CRADD: variants seen among roughly 807,000 people sequenced by gnomAD.
CRADD encodes death domain-containing protein CRADD.
In CRADD, 9 loss-of-function variants were observed where a neutral mutation model predicts 15.5. The ratio of observed to expected loss-of-function variants is 0.58; its 90% CI spans 0.35 to 1.01. The LOEUF (loss-of-function observed/expected upper bound fraction) is 1.01. CRADD is among the 50% of genes least tolerant of loss of function. The pLI is 0.02. For missense variants in CRADD, 227 were observed against 250.3 expected, an observed-to-expected ratio of 0.91 and a Z score of 0.63; for synonymous variants, 118 against 107.6, an observed-to-expected ratio of 1.10 and a Z score of -0.60.
intron 2 of CRADD, among the ~76,000 whole-genome samples, chr12:93,746,944 G>C (rs1363380235): frequency 6.6e-6 from 1 of 151,986 alleles, no homozygotes; most frequent in African/African-American, 2.4e-5. Context: ...ACTATAAATA[G>C]CCTCATGTCA....
chr12:93,680,977 C>T (rs113829267), intron 2 of CRADD, among the ~76,000 whole-genome samples: 4 of 152,030 alleles, frequency 2.6e-5, no homozygotes, highest in African/African-American at 9.7e-5. Context: ...CTCTGCCTCC[C>T]GGGTTTAAGC....
chr12:93,685,773 C>T (rs1426900724), intron 2 of CRADD, among the ~76,000 whole-genome samples: 2 of 152,160 alleles, frequency 1.3e-5, no homozygotes, highest in East Asian at 1.9e-4. Flanking sequence ...GGGCAGATCA[C>T]CTGAGGTCAG....
At chr12:93,698,112 G>A (rs1003507118) in intron 2 of CRADD, among the ~76,000 whole-genome samples, 1 of 152,106 alleles carries the variant, frequency 6.6e-6, no homozygotes, top group Non-Finnish European at 1.5e-5. Context: ...AGGGAGAATC[G>A]GGAGAATTGT....
rs140370102 is a variant in CRADD at position 93,894,013 on chromosome 12, C to T, written c.299-37C>T. On this transcript the variant is annotated intron_variant, in intron 2 of 2. Transcript: ENST00000548483. The stretch of plus-strand genomic sequence containing the variant: ...CACATTAGCTCAGCTGATCGCCATA[C>T]TCCCTTGATTTGACCTTCTCTTTCT... 1,345 of 702,344 alleles carry T rather than the reference C, an allele frequency of 1.9e-3. 7 individuals carry two copies. Among genetic ancestry groups the T allele is most frequent in the Admixed American group, 3.0e-3 (148 of 50,000 alleles). The allele number at this position is 702,344 out of a possible 1,614,324, so 43.5% of individuals were successfully genotyped here. A position where few individuals can be genotyped will look rare whatever the true frequency, so the allele number is the denominator to read the frequency against.
intron 2 of CRADD, chr12:93,846,384 T>C (rs10859600): frequency 0.29 from 44,622 of 151,954 alleles, 6,949 homozygotes; most frequent in Middle Eastern, 0.41. Context: ...TGCACCATTT[T>C]CCATTCCCAC....
chr12:93,718,766 T>C (rs576543422), intron 2 of CRADD, among the ~76,000 whole-genome samples: 10 of 147,460 alleles, frequency 6.8e-5, no homozygotes, highest in Non-Finnish European at 7.5e-5. Flanking sequence ...TTTTCTCTCT[T>C]TTTTTTTTTT....
rs73361509 is a variant in CRADD at position 93,714,474 on chromosome 12, G to A, written c.298+35402G>A. On this transcript the variant is annotated intron_variant, in intron 2 of 2. Coordinates refer to ENST00000332896, the MANE Select transcript of CRADD (RefSeq NM_003805.5). ...TGATTGTCTAATCCCAGGGAATCTG[G>A]TGAACAGTGTATCAGTTAGGAATGT... 583 of 152,322 alleles carry A rather than the reference G, an allele frequency of 3.8e-3. 2 individuals carry two copies. The highest frequency in any genetic ancestry group is 0.013 in the African/African-American group (561 of 41,562). The allele number at this position is 152,322 out of a possible 1,614,324, so 9.4% of individuals were successfully genotyped here.
intron 2 of CRADD, among the ~76,000 whole-genome samples, chr12:93,687,247 T>A (rs1256469438): frequency 6.6e-6 from 1 of 152,166 alleles, no homozygotes; most frequent in Non-Finnish European, 1.5e-5. Context: ...CTTTAAAACA[T>A]GGATTTGGTA....
At chr12:93,730,205 T>C (rs75101749) in intron 2 of CRADD, among the ~76,000 whole-genome samples, 1,945 of 152,346 alleles carry the variant, frequency 0.013, 24 homozygotes, top group South Asian at 0.033. Context: ...CAGCTTGTCC[T>C]AGATCACACA....
At chr12:93,782,820 A>T (rs1004967763) in intron 2 of CRADD, among the ~76,000 whole-genome samples, 1 of 152,212 alleles carries the variant, frequency 6.6e-6, no homozygotes, top group Non-Finnish European at 1.5e-5. Flanking sequence ...AGAAGCACTT[A>T]TTAATGAATT....
intron 2 of CRADD, among the ~76,000 whole-genome samples, chr12:93,822,174 C>A (rs935948482): frequency 2.6e-5 from 4 of 151,894 alleles, no homozygotes; most frequent in Non-Finnish European, 5.9e-5. Flanking sequence ...AATTGAAAGG[C>A]CTTTTCTTCT....
chr12:93,886,974 C>G (rs1958542108), intron 2 of CRADD, among the ~76,000 whole-genome samples: 1 of 152,212 alleles, frequency 6.6e-6, no homozygotes, highest in South Asian at 2.1e-4. Context: ...CATTCTGATT[C>G]TGCAGAAGAG....
chr12:93,824,987 G>C lies in CRADD; in HGVS notation c.299-24983G>C, dbSNP rs1407780168. Among the ~76,000 whole-genome samples the C allele has an allele frequency of 1.3e-5, 2 of 152,140 alleles. No individual in the cohort carries two copies. The highest frequency in any genetic ancestry group is 2.4e-5 in the African/African-American group (1 of 41,426). Reference sequence around the variant, plus strand: ...TAATACATGGGGCTTGTTCCAAATCGATCATGAAAATAAGTTTTTGCTGTT... The same window carrying C: ...TAATACATGGGGCTTGTTCCAAATCCATCATGAAAATAAGTTTTTGCTGTT... On this transcript the variant is annotated intron_variant, in intron 2 of 2. Coordinates refer to ENST00000332896, the MANE Select transcript of CRADD (RefSeq NM_003805.5). This position sits in a 1 kb window ranked among gnomAD's most constrained non-coding sequence, Gnocchi z 4.3.
At position 93,850,409 on chromosome 12, in the gene CRADD, G is replaced by A. The variant is rs990932149; in HGVS notation, c.*138G>A. 2.9e-6 allele frequency: 4 copies of A among 1,390,382 alleles called. No individual in the cohort carries two copies. Among genetic ancestry groups the A allele is most frequent in the Non-Finnish European group, 3.7e-6 (4 of 1,079,776 alleles). The allele number at this position is 1,390,382 out of a possible 1,614,324, so 86.1% of individuals were successfully genotyped here. ...TCTTCAGATGGAAGGAGAAAACAGG[G>A]TTTCCACTAGACATTACTTGAAAGG... On this transcript the variant is annotated 3_prime_UTR_variant, in exon 3 of 3. Coordinates refer to ENST00000332896, the MANE Select transcript of CRADD (RefSeq NM_003805.5). This position sits in a 1 kb window ranked among gnomAD's most constrained non-coding sequence, Gnocchi z 4.0.
chr12:93,798,374 T>C (rs760802585), intron 2 of CRADD, among the ~76,000 whole-genome samples: 1 of 152,198 alleles, frequency 6.6e-6, no homozygotes, highest in Non-Finnish European at 1.5e-5. Flanking sequence ...TGAAGGGTTA[T>C]AGACAGAAAT....
At chr12:93,843,909 A>T (rs992589643) in intron 2 of CRADD, among the ~76,000 whole-genome samples, 2 of 151,892 alleles carry the variant, frequency 1.3e-5, no homozygotes, top group African/African-American at 4.8e-5. Context: ...GTTAGTAGAG[A>T]CGAGGTTTCA....
chr12:93,859,118 G>A (rs745768442), intron 2 of CRADD, among the ~76,000 whole-genome samples: 4 of 152,198 alleles, frequency 2.6e-5, no homozygotes, highest in Non-Finnish European at 5.9e-5. Context: ...GCACAGTGGG[G>A]CATATGCTTC....
At chr12:93,833,610 T>G (rs1957935394) in intron 2 of CRADD, among the ~76,000 whole-genome samples, 1 of 152,226 alleles carries the variant, frequency 6.6e-6, no homozygotes, top group African/African-American at 2.4e-5. Flanking sequence ...CCTTCCAAAG[T>G]GTATAGGCAT....
intron 1 of CRADD, among the ~76,000 whole-genome samples, chr12:93,678,426 C>T (rs559188153): frequency 2.0e-5 from 3 of 152,256 alleles, no homozygotes; most frequent in Admixed American, 6.5e-5. Flanking sequence ...ATTAGTGCTG[C>T]TCTGTAATCT....
Sources: allele counts gnomAD v4.1 joint callset (sites outside exome capture counted in the v4.1 genomes callset), GRCh38; gene constraint gnomAD v4.1.1; non-coding constraint Gnocchi (gnomAD v3.1); transcripts MANE v1.5; gene names NCBI Gene and HGNC (gene_info 2026-07-23, HGNC 2026-07-21).